PPP2R5A: variants seen among roughly 807,000 people sequenced by gnomAD.
PPP2R5A encodes protein phosphatase 2 regulatory subunit B'alpha.
PPP2R5A carries 25 observed loss-of-function variants against 64.2 expected under a neutral mutation model. The ratio of observed to expected loss-of-function variants is 0.39; its 90% CI spans 0.28 to 0.54. The LOEUF (loss-of-function observed/expected upper bound fraction) is 0.54, where lower values mean the gene tolerates loss of function less well. Among genes scored for constraint, PPP2R5A ranks in the 20% least tolerant of loss-of-function variants. The pLI is 0.67. For missense variants in PPP2R5A, 425 were observed against 576.3 expected (o/e 0.74, Z 2.69); for synonymous variants, 198 against 201.2 (o/e 0.98, Z 0.13).
chr1:212,346,720 AGGTTT>A (rs1460666643), intron 5 of PPP2R5A, among the ~76,000 whole-genome samples: 12 of 152,122 alleles, frequency 7.9e-5, no homozygotes, highest in Admixed American at 7.9e-4. Flanking sequence ...CCCACATTCA[AGGTTT>A]GGTTTGTTTA....
At chr1:212,351,123 A>C (rs1416608986) in intron 8 of PPP2R5A, among the ~76,000 whole-genome samples, 1 of 151,892 alleles carries the variant, frequency 6.6e-6, no homozygotes, top group East Asian at 1.9e-4. Context: ...ACAAAAAAAC[A>C]AAAAACCTTG....
intron 8 of PPP2R5A, among the ~76,000 whole-genome samples, chr1:212,354,457 T>C (rs1659942438): frequency 6.6e-6 from 1 of 152,010 alleles, no homozygotes; most frequent in Non-Finnish European, 1.5e-5. Context: ...GGTAGGAGGA[T>C]TGGTTGAAGC....
At chr1:212,329,689 C>T (rs1276433347) in intron 2 of PPP2R5A, among the ~76,000 whole-genome samples, 2 of 152,090 alleles carry the variant, frequency 1.3e-5, no homozygotes. Flanking sequence ...CTGTGTAGCC[C>T]AGGCTGGAGT....
chr1:212,287,287 G>A (rs1225422228), intron 1 of PPP2R5A, among the ~76,000 whole-genome samples: 1 of 152,146 alleles, frequency 6.6e-6, no homozygotes, highest in East Asian at 1.9e-4. Flanking sequence ...AGATGATAAT[G>A]CTCCTACATA....
intron 3 of PPP2R5A, among the ~76,000 whole-genome samples, chr1:212,341,832 AGAC>A (rs1659690890): frequency 6.6e-6 from 1 of 152,072 alleles, no homozygotes; most frequent in African/African-American, 2.4e-5. Flanking sequence ...CTTGACCTCC[AGAC>A]TCAAGCAGTC....
chr1:212,328,961 A>G (rs965615730), intron 1 of PPP2R5A, among the ~76,000 whole-genome samples, 174 bp from the exon 2 acceptor site: 1 of 152,098 alleles, frequency 6.6e-6, no homozygotes, highest in Non-Finnish European at 1.5e-5. Context: ...GTAATGAGGG[A>G]GAGAGAAGAG....
At position 212,303,229 on chromosome 1, in the gene PPP2R5A, C is replaced by T. The variant is rs1016536668; in HGVS notation, c.181+16938C>T. ...ACTTGTGGTATGTGAGGATTTTCAT[C>T]GCTCCACATCCTTACCAGTACTTCT... On this transcript the variant is annotated intron_variant, in intron 1 of 12. Transcript: ENST00000261461. Among the ~76,000 whole-genome samples, 8 of 152,172 alleles carry T rather than the reference C, an allele frequency of 5.3e-5. 1 individual carries two copies. Among genetic ancestry groups the T allele is most frequent in the South Asian group, 4.1e-4 (2 of 4,832 alleles).
At chr1:212,304,187 T>C (rs529477898) in intron 1 of PPP2R5A, among the ~76,000 whole-genome samples, 5 of 152,218 alleles carry the variant, frequency 3.3e-5, no homozygotes, top group Non-Finnish European at 2.9e-5. Context: ...TTTGACACAT[T>C]AGTTGTTTAA....
chr1:212,305,684 C>G (rs528996138), intron 1 of PPP2R5A, among the ~76,000 whole-genome samples: 156 of 152,154 alleles, frequency 1.0e-3, no homozygotes, highest in Non-Finnish European at 1.9e-3. Flanking sequence ...TTCTATTTCT[C>G]TCTTTGTTTC....
chr1:212,312,022 C>G (rs181853132), intron 1 of PPP2R5A, among the ~76,000 whole-genome samples: 4 of 152,352 alleles, frequency 2.6e-5, no homozygotes, highest in Admixed American at 6.5e-5. Flanking sequence ...TCACTCACCA[C>G]TTACTCATCC....
chr1:212,313,049 G>A (rs542104066), intron 1 of PPP2R5A, among the ~76,000 whole-genome samples: 4 of 152,264 alleles, frequency 2.6e-5, no homozygotes, highest in Admixed American at 1.3e-4. Context: ...GCAAATCCTA[G>A]CCACCTCAGT....
rs1660074426 is a variant in PPP2R5A at position 212,361,181 on chromosome 1, G to A, written c.*411G>A. 1 of 152,918 alleles carries A rather than the reference G, an allele frequency of 6.5e-6. No individual in the cohort carries two copies. Among genetic ancestry groups the A allele is most frequent in the East Asian group, 1.9e-4 (1 of 5,218 alleles). The allele number at this position is 152,918 out of a possible 1,614,324, so 9.5% of individuals were successfully genotyped here. A position where few individuals can be genotyped will look rare whatever the true frequency, so the allele number is the denominator to read the frequency against. Reference sequence around the variant, plus strand: ...GCTGCAAACCTTAGTTACATCCTAGGAAAAAATACTTCCTAAAATAAAACT... The same window carrying A: ...GCTGCAAACCTTAGTTACATCCTAGAAAAAAATACTTCCTAAAATAAAACT... On this transcript the variant is annotated 3_prime_UTR_variant, in exon 13 of 13. Coordinates refer to ENST00000261461, the MANE Select transcript of PPP2R5A (RefSeq NM_006243.4).
intron 5 of PPP2R5A, among the ~76,000 whole-genome samples, chr1:212,346,732 TTTAA>T (rs796124937): frequency 1.3e-5 from 2 of 152,298 alleles, no homozygotes; most frequent in African/African-American, 4.8e-5. Context: ...GTTTGGTTTG[TTTAA>T]TTAATTGAAG....
At chr1:212,322,535 G>C (rs1333438478) in intron 1 of PPP2R5A, among the ~76,000 whole-genome samples, 2 of 151,994 alleles carry the variant, frequency 1.3e-5, no homozygotes, top group Admixed American at 6.6e-5. Context: ...CTATAAAAAT[G>C]TTTTTGACCT....
At chr1:212,334,819 A>C (rs1290893576) in intron 3 of PPP2R5A, among the ~76,000 whole-genome samples, 1 of 151,960 alleles carries the variant, frequency 6.6e-6, no homozygotes, top group African/African-American at 2.4e-5. Context: ...TATAAATGTT[A>C]TCTCTTTAAG....
rs1240809187 is a variant in PPP2R5A, at chr1:212,329,170, CAG to C, written c.219_220del (p.Lys74ValfsTer9). On this transcript the variant is annotated frameshift_variant, in exon 2 of 13. Coordinates refer to ENST00000261461, the MANE Select transcript of PPP2R5A (RefSeq NM_006243.4). LOFTEE classifies it high-confidence loss of function. ...TSNEQQELFC[Q>X]KLQQCCILFD... ...AAATGAACAACAAGAGCTTTTCTGTCAGAAGTTGCAGCAGTGTTGTATACTGT... is the reference window on the plus strand; with the variant it reads ...AAATGAACAACAAGAGCTTTTCTGTCAAGTTGCAGCAGTGTTGTATACTGT... The C allele has an allele frequency of 6.4e-7, 1 of 1,553,030 alleles. No individual in the cohort carries two copies. The highest frequency in any genetic ancestry group is 2.3e-5 in the East Asian group (1 of 43,102).
At position 212,357,087 on chromosome 1, in the gene PPP2R5A, A is replaced by AGGC; in HGVS notation, c.1098+18_1098+19insGGC. On this transcript the variant is annotated intron_variant, in intron 10 of 12. Coordinates refer to ENST00000261461, the MANE Select transcript of PPP2R5A (RefSeq NM_006243.4). ...ATTTTCAGGTATGATGTTTTCAGTG[A>AGGC]AGCCTTTACTTTACACTAGTATTTC... 6.3e-7 allele frequency: 1 copy of AGGC among 1,594,252 alleles called. No homozygotes were observed. Among genetic ancestry groups the AGGC allele is most frequent in the South Asian group, 1.2e-5 (1 of 86,588 alleles).
At chr1:212,354,740 G>GAA (rs1417859886) in intron 8 of PPP2R5A, among the ~76,000 whole-genome samples, 1 of 151,532 alleles carries the variant, frequency 6.6e-6, no homozygotes, top group African/African-American at 2.4e-5. Context: ...GAGAGAGAGA[G>GAA]AGAGAGAAAT....
intron 1 of PPP2R5A, among the ~76,000 whole-genome samples, chr1:212,309,990 T>C (rs1166166120): frequency 6.6e-6 from 1 of 152,148 alleles, no homozygotes; most frequent in African/African-American, 2.4e-5. Context: ...CTGGGTGTAG[T>C]TTTCCCCCAT....
Sources: gnomAD v4.1 joint callset for allele counts (sites outside exome capture counted in the v4.1 genomes callset) on GRCh38, gnomAD v4.1.1 for gene constraint, MANE v1.5 for transcripts, NCBI Gene and HGNC (gene_info 2026-07-23, HGNC 2026-07-21) for gene names.